SORT1: variants seen among roughly 807,000 people sequenced by gnomAD.
SORT1 encodes sortilin.
In SORT1, 39 loss-of-function variants were observed where a neutral mutation model predicts 101.7. The ratio of observed to expected loss-of-function variants is 0.38; its 90% confidence interval spans 0.30 to 0.50. The LOEUF (loss-of-function observed/expected upper bound fraction) is 0.50. Ranked by LOEUF, SORT1 falls within the 20% of genes least tolerant of loss-of-function variation. The probability of loss-of-function intolerance (pLI) is 0.90; values close to 1 mark genes in which losing one functional copy is unlikely to be tolerated. For synonymous variants in SORT1, 396 were observed against 393.7 expected, an observed-to-expected ratio of 1.01 and a Z score of -0.07; for missense variants, 878 against 1,040.4, an observed-to-expected ratio of 0.84 and a Z score of 2.15.
chr1:109,327,466 C>T (rs769525644), intron 12 of SORT1, 33 bp downstream of exon 12: 8 of 1,334,864 alleles, frequency 6.0e-6, no homozygotes, highest in East Asian at 2.3e-5. Flanking sequence ...AGCCACTGTT[C>T]CAGTTGGAGG....
At chr1:109,374,268 T>A (rs10858087) in intron 1 of SORT1, among the ~76,000 whole-genome samples, 98,358 of 151,950 alleles carry the variant, frequency 0.65, 33,686 homozygotes, top group East Asian at 0.96. Context: ...AGAAAAAAAA[T>A]TTTTTTAAAG....
chr1:109,347,438 G>A, intron 7 of SORT1, 45 bp downstream of exon 7: 1 of 1,367,316 alleles, frequency 7.3e-7, no homozygotes, highest in East Asian at 2.3e-5. Flanking sequence ...ATTCTACCAT[G>A]AATGGACAAC....
intron 10 of SORT1, 60 bp downstream of exon 10, chr1:109,340,664 C>A: frequency 5.7e-6 from 9 of 1,570,080 alleles, no homozygotes; most frequent in Non-Finnish European, 7.0e-6. Flanking sequence ...TTCCCCGAAG[C>A]CTCAAATCCT....
chr1:109,395,724 A>G (rs1446736750), intron 1 of SORT1, among the ~76,000 whole-genome samples: 1 of 152,108 alleles, frequency 6.6e-6, no homozygotes, highest in Admixed American at 6.6e-5. Flanking sequence ...TTTCTTTGGA[A>G]TCAATATATT....
chr1:109,376,692 T>C (rs1174094316), intron 1 of SORT1, among the ~76,000 whole-genome samples: 2 of 152,024 alleles, frequency 1.3e-5, no homozygotes, highest in Non-Finnish European at 2.9e-5. Context: ...AGGTAAACAC[T>C]GGGTACTCAT....
intron 1 of SORT1, among the ~76,000 whole-genome samples, chr1:109,378,700 A>T (rs1290563062): frequency 4.3e-3 from 5 of 1,162 alleles, no homozygotes; most frequent in Admixed American, 0.038. Context: ...AGAGTGAATG[A>T]TATATATATA....
chr1:109,345,687 G>C, intron 8 of SORT1, 64 bp downstream of exon 8: 1 of 1,441,794 alleles, frequency 6.9e-7, no homozygotes, highest in Non-Finnish European at 9.5e-7. Flanking sequence ...AAGTAATAAA[G>C]AGAATCTATA....
intron 3 of SORT1, among the ~76,000 whole-genome samples, chr1:109,360,788 C>T (rs1650671747): frequency 6.6e-6 from 1 of 152,230 alleles, no homozygotes; most frequent in African/African-American, 2.4e-5. Context: ...CCACAAGGAT[C>T]TGGGTGGCCC....
intron 5 of SORT1, among the ~76,000 whole-genome samples, chr1:109,351,776 G>A (rs1324239757): frequency 6.6e-6 from 1 of 152,194 alleles, no homozygotes; most frequent in East Asian, 1.9e-4. Context: ...ACTTGGACGT[G>A]AATGGGAAAG....
chr1:109,389,135 G>C (rs1570992056), intron 1 of SORT1, among the ~76,000 whole-genome samples: 1 of 152,210 alleles, frequency 6.6e-6, no homozygotes, highest in African/African-American at 2.4e-5. Flanking sequence ...GGATCACCTG[G>C]CTGACAAGCA....
Position 109,316,879 on chromosome 1 carries a change from T to G in SORT1, c.2221A>C (p.Thr741Pro). 1 of 1,611,874 alleles carries G rather than the reference T, an allele frequency of 6.2e-7. No homozygotes were observed. The highest frequency in any genetic ancestry group is 2.2e-5 in the East Asian group (1 of 44,732). ...TTTTCCGGACTCAAAAAGTTGCTTG[T>G]GCATTTCTTTTTCAAGTCTTTTACT... ...REVKDLKKKCTSNFLSPEKQN... is the reference protein window; with the variant it reads ...REVKDLKKKCPSNFLSPEKQN... The change falls in exon 17 of 20, where the codon ACA (threonine) becomes CCA (proline). Residue 741 changes from threonine to proline, a missense_variant. This residue lies in a region of SORT1 where 684 missense variants were observed against 894.5 expected (regional missense o/e 0.76). Transcript: ENST00000256637.
intron 11 of SORT1, among the ~76,000 whole-genome samples, chr1:109,333,124 C>A (rs1407092538): frequency 6.6e-6 from 1 of 152,116 alleles, no homozygotes; most frequent in Non-Finnish European, 1.5e-5. Context: ...GACGGGATTT[C>A]ACCATGTTGG....
At chr1:109,377,995 G>A (rs1651969711) in intron 1 of SORT1, among the ~76,000 whole-genome samples, 1 of 152,168 alleles carries the variant, frequency 6.6e-6, no homozygotes, top group South Asian at 2.1e-4. Flanking sequence ...ACATTGGGAG[G>A]CTGAGGTGGG....
rs574967751 is a variant in SORT1 at position 109,397,647 on chromosome 1, C to T, written c.246G>A (p.Glu82=). The T allele has an allele frequency of 7.2e-5, 90 of 1,249,740 alleles. No homozygotes were observed. The African/African-American group carries it at 1.4e-3, about 19-fold the overall frequency. 77.4% of individuals were successfully genotyped at this position (1,249,740 alleles called of 1,614,324 possible). A position where few individuals can be genotyped will look rare whatever the true frequency, so the allele number is the denominator to read the frequency against. Residue 82 remains glutamate (E), a synonymous_variant, in exon 1 of 20, where the codon GAG becomes GAA. Coordinates refer to ENST00000256637, the MANE Select transcript of SORT1 (RefSeq NM_002959.7). ...CCCGGACCCGGCCGCACTCCTCGTC[C>T]TCGCCCGGCGCGCTGCGACGCCAAC... is the stretch of plus-strand genomic sequence containing the variant. ...GGRWRRSAPG[E]DEECGRVRDF...
chr1:109,372,630 C>T (rs1201724291), intron 1 of SORT1, among the ~76,000 whole-genome samples: 1 of 152,004 alleles, frequency 6.6e-6, no homozygotes, highest in African/African-American at 2.4e-5. Context: ...AACAAAAACA[C>T]AGAATGGGCC....
At chr1:109,346,474 G>C (rs537901213) in intron 7 of SORT1, among the ~76,000 whole-genome samples, 1 of 148,598 alleles carries the variant, frequency 6.7e-6, no homozygotes, top group African/African-American at 2.5e-5. Context: ...AGACGGGTGC[G>C]GTGGCTCACG....
intron 2 of SORT1, among the ~76,000 whole-genome samples, chr1:109,369,234 A>G (rs1401140093): frequency 6.6e-6 from 1 of 152,190 alleles, no homozygotes; most frequent in African/African-American, 2.4e-5. Flanking sequence ...AGGCAGGAGA[A>G]TCGCTTGAAC....
At chr1:109,370,012 T>C (rs975421928) in intron 1 of SORT1, among the ~76,000 whole-genome samples, 1 of 152,214 alleles carries the variant, frequency 6.6e-6, no homozygotes. Flanking sequence ...TCCTTTACAG[T>C]ATAGCTGAAA....
At chr1:109,390,372 T>C (rs1652824349) in intron 1 of SORT1, among the ~76,000 whole-genome samples, 1 of 152,172 alleles carries the variant, frequency 6.6e-6, no homozygotes, top group African/African-American at 2.4e-5. Context: ...TATAGTACTT[T>C]ACCTTTAACA....
Sources: allele counts gnomAD v4.1 joint callset (sites outside exome capture counted in the v4.1 genomes callset), GRCh38; gene constraint gnomAD v4.1.1; regional missense constraint gnomAD v4.1.1; transcripts MANE v1.5; gene names NCBI Gene and HGNC (gene_info 2026-07-23, HGNC 2026-07-21).